CEP170: variants seen among roughly 807,000 people sequenced by gnomAD.
CEP170 encodes centrosomal protein of 170 kDa.
CEP170 carries 21 observed loss-of-function variants against 151.9 expected under a neutral mutation model. That is an observed-to-expected ratio of 0.14 (90% CI 0.10 to 0.20). The LOEUF is 0.20. CEP170 is among the 10% of genes least tolerant of loss of function. CEP170 has a pLI of 1.00. For missense variants in CEP170, 964 were observed against 1,892.9 expected, an observed-to-expected ratio of 0.51 and a Z score of 9.11; for synonymous variants, 356 against 648.8, an observed-to-expected ratio of 0.55 and a Z score of 6.86.
chr1:243,190,248 T>A (rs1051150390), intron 8 of CEP170, among the ~76,000 whole-genome samples: 1 of 152,166 alleles, frequency 6.6e-6, no homozygotes, highest in African/African-American at 2.4e-5. Context: ...TCCTTATAGA[T>A]AGCTTATTAA....
rs529381973 is a variant in CEP170 at position 243,156,367 on chromosome 1, G to T, written c.3765C>A (p.Thr1255=). ...FGSNRNSPKH[T]RLRTSPALKT... ...TCAGGGCTGGAGAAGTACGTAGACG[G>T]GTATGTTTAGGGGAATTACGGTTTG... is the stretch of plus-strand genomic sequence containing the variant. The change falls in exon 14 of 20, where the codon ACC becomes ACA. Residue 1255 remains threonine, a synonymous_variant. Transcript: ENST00000366542. 3.2e-5 allele frequency: 51 copies of T among 1,571,200 alleles called. No homozygotes were observed. In the South Asian group the frequency reaches 5.3e-4, roughly 16 times the overall value.
At chr1:243,170,817 G>C (rs1438256698) in intron 11 of CEP170, among the ~76,000 whole-genome samples, 1 of 152,148 alleles carries the variant, frequency 6.6e-6, no homozygotes, top group African/African-American at 2.4e-5. Flanking sequence ...AGTAAGTATA[G>C]AGAATGACAC....
intron 4 of CEP170, among the ~76,000 whole-genome samples, chr1:243,204,738 A>C (rs2061297824): frequency 6.6e-6 from 1 of 152,108 alleles, no homozygotes; most frequent in South Asian, 2.1e-4. Context: ...TCCCTTAATG[A>C]TCTCATTCAG....
At chr1:243,160,180 T>C (rs1325792424) in intron 13 of CEP170, among the ~76,000 whole-genome samples, 1 of 152,238 alleles carries the variant, frequency 6.6e-6, no homozygotes, top group South Asian at 2.1e-4. Flanking sequence ...TTTCTTTCTC[T>C]TGAATTTTAT....
chr1:243,124,820 G>T lies in CEP170; in HGVS notation c.*1629C>A, dbSNP rs2053579456. ...TTATGTTCTTTAAAACCTTTTTTCA[G>T]TCTTCCTTTATTAGACAGAATGGGG... On this transcript the variant is annotated 3_prime_UTR_variant, in exon 20 of 20. Coordinates refer to ENST00000366542, the MANE Select transcript of CEP170 (RefSeq NM_014812.3). The T allele has an allele frequency of 1.3e-5, 2 of 150,586 alleles. No individual in the cohort carries two copies. The highest frequency in any genetic ancestry group is 3.0e-5 in the Non-Finnish European group (2 of 67,690). 9.3% of individuals were successfully genotyped at this position (150,586 alleles called of 1,614,324 possible).
At chr1:243,244,779 G>A (rs376816333) in intron 1 of CEP170, among the ~76,000 whole-genome samples, 7 of 151,318 alleles carry the variant, frequency 4.6e-5, no homozygotes, top group South Asian at 2.1e-4. Flanking sequence ...TAAAAACTCC[G>A]AAGAGTTACA....
chr1:243,214,125 G>A (rs938041610), intron 3 of CEP170, among the ~76,000 whole-genome samples: 7 of 152,022 alleles, frequency 4.6e-5, no homozygotes, highest in African/African-American at 1.7e-4. Context: ...CTCAACACAA[G>A]TATCTATACA....
In CEP170 at chr1:243,186,571, T is replaced by C; in HGVS notation, c.1109-149A>G. On this transcript the variant is annotated intron_variant, in intron 8 of 19. Coordinates refer to ENST00000366542, the MANE Select transcript of CEP170 (RefSeq NM_014812.3). ...TCTTCAGTAACAGGCTCGGCAAACT[T>C]GCTCAATTGCAATGGTTACATTCAA... The C allele has an allele frequency of 5.7e-6, 4 of 706,554 alleles. No homozygotes were observed. The Admixed American group carries it at 1.0e-4, about 18-fold the overall frequency. The allele number at this position is 706,554 out of a possible 1,614,324, so 43.8% of individuals were successfully genotyped here.
intron 4 of CEP170, among the ~76,000 whole-genome samples, chr1:243,201,211 T>C (rs529291251): frequency 6.6e-6 from 1 of 152,118 alleles, no homozygotes; most frequent in African/African-American, 2.4e-5. Context: ...AGGAAATATC[T>C]CATCAATGAT....
chr1:243,244,270 CT>C (rs1410390433), intron 1 of CEP170, among the ~76,000 whole-genome samples: 2 of 151,944 alleles, frequency 1.3e-5, no homozygotes, highest in Non-Finnish European at 2.9e-5. Context: ...TGAAATTCAA[CT>C]GTCCTGTACA....
In CEP170 at chr1:243,178,064, G is replaced by A. The variant is rs542652411; in HGVS notation, c.1567-5218C>T. Among the ~76,000 whole-genome samples the A allele has an allele frequency of 7.9e-5, 12 of 152,052 alleles. No individual in the cohort carries two copies. In the East Asian group the frequency reaches 1.9e-3, roughly 25 times the overall value. On this transcript the variant is annotated intron_variant, in intron 10 of 19. Transcript: ENST00000366542. ...AGGAATGGGCAGGGAGTGGTGGCTCGTGCCTGTAATTCCAGCACTTTGGGA... is the reference window on the plus strand; with the variant it reads ...AGGAATGGGCAGGGAGTGGTGGCTCATGCCTGTAATTCCAGCACTTTGGGA...
intron 3 of CEP170, among the ~76,000 whole-genome samples, chr1:243,213,668 A>G (rs2062014109): frequency 6.6e-6 from 1 of 152,152 alleles, no homozygotes; most frequent in African/African-American, 2.4e-5. Flanking sequence ...ATCACGTAGT[A>G]TTTTTCAAAA....
rs193242453 is a variant in CEP170 at position 243,167,086 on chromosome 1, A to G, written c.1844-970T>C. 3.7e-3 allele frequency among the ~76,000 whole-genome samples: 564 copies of G among 152,238 alleles called. 3 individuals carry two copies. The highest frequency in any genetic ancestry group is 0.012 in the African/African-American group (501 of 41,564). The stretch of plus-strand genomic sequence containing the variant: ...TCCATCCTTGAGGTTTGCTCAAAAA[A>G]CCAGAATCTATTGTAGATTTATACA... On this transcript the variant is annotated intron_variant, in intron 12 of 19. Transcript: ENST00000366542.
intron 1 of CEP170, among the ~76,000 whole-genome samples, chr1:243,254,130 C>T (rs1426489056): frequency 6.6e-6 from 1 of 152,030 alleles, no homozygotes; most frequent in South Asian, 2.1e-4. Flanking sequence ...TTATATTGAT[C>T]ACCTTGGCAG....
upstream of CEP170, among the ~76,000 whole-genome samples, chr1:243,255,604 C>T (rs1293441257): frequency 1.3e-5 from 2 of 152,228 alleles, no homozygotes; most frequent in Non-Finnish European, 2.9e-5. Flanking sequence ...TTTAGAGCTT[C>T]TATTTCTTGA....
At chr1:243,240,168 G>A (rs1448447332) in intron 1 of CEP170, among the ~76,000 whole-genome samples, 1 of 152,084 alleles carries the variant, frequency 6.6e-6, no homozygotes, top group African/African-American at 2.4e-5. Context: ...AAATTAACTG[G>A]GCATGGTGGC....
At chr1:243,213,822 C>T (rs2062024115) in intron 3 of CEP170, among the ~76,000 whole-genome samples, 1 of 152,158 alleles carries the variant, frequency 6.6e-6, no homozygotes, top group Non-Finnish European at 1.5e-5. Flanking sequence ...AGGTGATTCT[C>T]CCACCTCAGC....
intron 3 of CEP170, among the ~76,000 whole-genome samples, chr1:243,215,989 G>A (rs1057471618): frequency 2.0e-5 from 3 of 151,144 alleles, no homozygotes; most frequent in Non-Finnish European, 4.4e-5. Flanking sequence ...TTGAATTATC[G>A]GGGGTAGGTT....
chr1:243,198,598 G>A (rs1217298531), intron 7 of CEP170, among the ~76,000 whole-genome samples: 1 of 152,030 alleles, frequency 6.6e-6, no homozygotes, highest in Non-Finnish European at 1.5e-5. Flanking sequence ...CTTGAGTCCA[G>A]GAGTTCAAGA....
Sources: gnomAD v4.1 joint callset for allele counts (sites outside exome capture counted in the v4.1 genomes callset) on GRCh38, gnomAD v4.1.1 for gene constraint, MANE v1.5 for transcripts, NCBI Gene and HGNC (gene_info 2026-07-23, HGNC 2026-07-21) for gene names.